Variants in LEKR1 observed in about 807,000 individuals in gnomAD.
LEKR1 encodes the protein leucine, glutamate and lysine rich 1.
Under a neutral mutation model 72.4 loss-of-function variants are expected in LEKR1, and 59 were observed. The ratio of observed to expected loss-of-function variants is 0.82; its 90% CI spans 0.66 to 1.01. LEKR1 has a LOEUF of 1.01. LEKR1 is among the 50% of genes least tolerant of loss of function. LEKR1 has a pLI of 0.00. For missense variants in LEKR1, 728 were observed against 759.2 expected (o/e 0.96, Z 0.48); for synonymous variants, 257 against 263.2 (o/e 0.98, Z 0.23).
Position 157,006,685 on chromosome 3 carries a change from A to G in LEKR1, c.1110-4728A>G, listed in dbSNP as rs558665139. On this transcript the variant is annotated intron_variant, in intron 9 of 12. Transcript: ENST00000356539. ...CTACTACTCAGCAATAAAATGAATG[A>G]ACTATCAATAAGGTACAACCTGGAT... 2.0e-5 allele frequency among the ~76,000 whole-genome samples: 3 copies of G among 152,364 alleles called. No individual in the cohort carries two copies. The East Asian group carries it at 5.8e-4, about 29-fold the overall frequency.
chr3:156,909,208 G>A (rs1183205576), intron 3 of LEKR1, among the ~76,000 whole-genome samples: 2 of 152,054 alleles, frequency 1.3e-5, no homozygotes, highest in African/African-American at 2.4e-5. Flanking sequence ...TCTTTCTTTT[G>A]TAAATTACCC....
intron 3 of LEKR1, among the ~76,000 whole-genome samples, chr3:156,875,606 C>T (rs1444691877): frequency 6.6e-6 from 1 of 152,068 alleles, no homozygotes; most frequent in Non-Finnish European, 1.5e-5. Flanking sequence ...ATGACTACAC[C>T]AACATCTAGA....
At chr3:156,982,904 T>C (rs577264698) in intron 7 of LEKR1, among the ~76,000 whole-genome samples, 1 of 140,202 alleles carries the variant, frequency 7.1e-6, no homozygotes, top group African/African-American at 2.5e-5. Flanking sequence ...GATAGATAGA[T>C]AGATGGAAGA....
chr3:156,925,118 T>C (rs2108574648), intron 4 of LEKR1: 1 of 152,298 alleles, frequency 6.6e-6, no homozygotes, highest in South Asian at 2.1e-4. Context: ...AAATGTTTTG[T>C]TTTCTTGAAC....
chr3:156,940,020 G>A lies in LEKR1; in HGVS notation c.560-2509G>A, dbSNP rs550736412. Among the ~76,000 whole-genome samples, 4 of 152,228 alleles carry A rather than the reference G, an allele frequency of 2.6e-5. No homozygotes were observed. In the South Asian group the frequency reaches 6.2e-4, roughly 24 times the overall value. ...CTATCCTACTCTGACATTTAAAAAT[G>A]TGGAGCTCAAAATGCCTGCCTCTGA... On this transcript the variant is annotated intron_variant, in intron 5 of 12. Coordinates refer to ENST00000356539, the MANE Select transcript of LEKR1 (RefSeq NM_001004316.3).
At chr3:156,939,953 A>G (rs1031017039) in intron 5 of LEKR1, among the ~76,000 whole-genome samples, 1 of 152,112 alleles carries the variant, frequency 6.6e-6, no homozygotes, top group Admixed American at 6.6e-5. Context: ...CAATTATTTT[A>G]TTCAATTAAA....
At chr3:156,862,912 G>T (rs1170279803) in intron 3 of LEKR1, among the ~76,000 whole-genome samples, 2 of 152,028 alleles carry the variant, frequency 1.3e-5, no homozygotes, top group African/African-American at 2.4e-5. Context: ...TTTGCAGAAA[G>T]GATATGCAGT....
chr3:156,901,062 T>G (rs1396830323), intron 3 of LEKR1, among the ~76,000 whole-genome samples: 2 of 152,144 alleles, frequency 1.3e-5, no homozygotes, highest in Non-Finnish European at 2.9e-5. Context: ...TGACCTAAAG[T>G]GATTGTCCCA....
chr3:156,904,658 A>G (rs1722361574), intron 3 of LEKR1, among the ~76,000 whole-genome samples: 1 of 110,280 alleles, frequency 9.1e-6, no homozygotes, highest in Non-Finnish European at 2.0e-5. Flanking sequence ...CATATAGCAA[A>G]TATATATATA....
rs1346312830 is a variant in LEKR1, at chr3:156,851,626, A to G, written c.49-1142A>G. The stretch of plus-strand genomic sequence containing the variant: ...AATACTGTATTATGGTTTTTAATTT[A>G]AAATTTTTACTATTAAAGTTTAAAG... On this transcript the variant is annotated intron_variant, in intron 2 of 12. Transcript: ENST00000356539. Among the ~76,000 whole-genome samples, 4 of 152,274 alleles carry G rather than the reference A, an allele frequency of 2.6e-5. No individual in the cohort carries two copies. In the South Asian group the frequency reaches 6.2e-4, roughly 24 times the overall value.
intron 3 of LEKR1, among the ~76,000 whole-genome samples, chr3:156,871,915 C>G (rs555046675): frequency 6.6e-6 from 1 of 152,026 alleles, no homozygotes; most frequent in South Asian, 2.1e-4. Context: ...GTGTCCTTGT[C>G]TGGCTGTTTT....
chr3:156,870,758 C>T (rs1438601602), intron 3 of LEKR1, among the ~76,000 whole-genome samples: 4 of 151,976 alleles, frequency 2.6e-5, no homozygotes, highest in African/African-American at 9.7e-5. Context: ...TATTCCACTT[C>T]TTAGGGGAAA....
At chr3:157,010,982 A>G (rs1452673281) in intron 9 of LEKR1, among the ~76,000 whole-genome samples, 2 of 152,152 alleles carry the variant, frequency 1.3e-5, no homozygotes, top group Non-Finnish European at 2.9e-5. Flanking sequence ...GTATTGGCTT[A>G]ATGGCATATC....
At position 156,882,419 on chromosome 3, in the gene LEKR1, C is replaced by T. The variant is rs1197021997; in HGVS notation, c.263+29437C>T. Among the ~76,000 whole-genome samples, 5 of 152,264 alleles carry T rather than the reference C, an allele frequency of 3.3e-5. No homozygotes were observed. In the South Asian group the frequency reaches 6.2e-4, roughly 19 times the overall value. On this transcript the variant is annotated intron_variant, in intron 3 of 12. Transcript: ENST00000356539. ...TGAAAAAATGCTCACCATCACTGGC[C>T]ATCAGAGAAATGCAAATCAAAACCA...
At position 156,841,649 on chromosome 3, in the gene LEKR1, C is replaced by T. The variant is rs140801430; in HGVS notation, c.49-11119C>T. On this transcript the variant is annotated intron_variant, in intron 2 of 12. Transcript: ENST00000356539. ...TATTATGCCTATTATGTGCCAGTCC[C>T]TGTTTGGGGTGCTTGATTTTAAAGT... 1.9e-3 allele frequency among the ~76,000 whole-genome samples: 285 copies of T among 152,264 alleles called. 3 individuals are homozygous for T. The highest frequency in any genetic ancestry group is 6.4e-3 in the African/African-American group (266 of 41,568).
At chr3:156,982,862 GA>G (rs1399999476) in intron 7 of LEKR1, among the ~76,000 whole-genome samples, 25 of 107,860 alleles carry the variant, frequency 2.3e-4, no homozygotes, top group African/African-American at 7.4e-4. Context: ...TGTGTAGATA[GA>G]TAGATAGATA....
intron 3 of LEKR1, among the ~76,000 whole-genome samples, chr3:156,854,257 C>T (rs1309928889): frequency 2.0e-5 from 3 of 148,826 alleles, no homozygotes; most frequent in Non-Finnish European, 3.0e-5. Context: ...AATTTTCCTG[C>T]GTCAGCCTCA....
At chr3:156,948,218 AAT>A in intron 6 of LEKR1, among the ~76,000 whole-genome samples, 1 of 151,094 alleles carries the variant, frequency 6.6e-6, no homozygotes, top group Non-Finnish European at 1.5e-5. Context: ...GTTTTACTTA[AAT>A]ATGTTTCTTT....
chr3:156,834,815 C>G (rs998070489), intron 2 of LEKR1, among the ~76,000 whole-genome samples: 33 of 152,204 alleles, frequency 2.2e-4, no homozygotes, highest in African/African-American at 8.0e-4. Flanking sequence ...AGTCTGCCTA[C>G]TGTAGACCAA....
Sources: gnomAD v4.1 joint callset for allele counts (sites outside exome capture counted in the v4.1 genomes callset) on GRCh38, gnomAD v4.1.1 for gene constraint, MANE v1.5 for transcripts, NCBI Gene and HGNC (gene_info 2026-07-23, HGNC 2026-07-21) for gene names.